EDDM3A: variants seen among roughly 807,000 people sequenced by gnomAD.
EDDM3A encodes the protein epididymal secretory protein E3-alpha.
For missense variants in EDDM3A, 199 were observed against 177.4 expected, an observed-to-expected ratio of 1.12 and a Z score of -0.69; for synonymous variants, 75 against 60.4, an observed-to-expected ratio of 1.24 and a Z score of -1.12.
the EDDM3A span, among the ~76,000 whole-genome samples, chr14:20,740,309 G>C: frequency 1.3e-5 from 2 of 152,216 alleles, no homozygotes; most frequent in Non-Finnish European, 2.9e-5. Context: ...ATTTGTCCAT[G>C]GTTCGATACT....
At chr14:20,744,160 T>A (rs553665909), upstream of EDDM3A, among the ~76,000 whole-genome samples, 2 of 152,310 alleles carry the variant, frequency 1.3e-5, no homozygotes, top group Non-Finnish European at 2.9e-5. Context: ...ATCATCCAAA[T>A]TCAGAGGCCC....
intron 1 of EDDM3A, among the ~76,000 whole-genome samples, chr14:20,746,234 G>A (rs1437816514): frequency 1.3e-5 from 2 of 152,074 alleles, no homozygotes; most frequent in African/African-American, 4.8e-5. Context: ...ATCTTGTGTA[G>A]GCCTTTATCA....
At chr14:20,747,447 A>G in intron 1 of EDDM3A, 108 bp from the exon 2 acceptor site, 2 of 654,956 alleles carry the variant, frequency 3.1e-6, no homozygotes, top group East Asian at 2.7e-5. Flanking sequence ...ATGGAACCAA[A>G]TAGCAATATA....
chr14:20,741,290 G>A (rs2139075630), upstream of EDDM3A, among the ~76,000 whole-genome samples: 1 of 152,352 alleles, frequency 6.6e-6, no homozygotes, highest in South Asian at 2.1e-4. Context: ...AAAATTTAAA[G>A]AGGATAAACA....
chr14:20,739,744 C>G, the EDDM3A span, among the ~76,000 whole-genome samples: 1 of 152,150 alleles, frequency 6.6e-6, no homozygotes, highest in Non-Finnish European at 1.5e-5. Flanking sequence ...AACAGCTCAT[C>G]AAAGCAGGAA....
In EDDM3A at chr14:20,748,051, GGTAGA is replaced by G; in HGVS notation, c.*31_*35del. On this transcript the variant is annotated 3_prime_UTR_variant, in exon 2 of 2. Transcript: ENST00000326842. ...AAGTCTATGCACATCCTCAGATATT[GGTAGA>G]GTATTCAGTGCTTCCAAAGTGGTGG... The G allele has an allele frequency of 6.5e-7, 1 of 1,547,414 alleles. No homozygotes were observed. Among genetic ancestry groups the G allele is most frequent in the Non-Finnish European group, 8.7e-7 (1 of 1,145,114 alleles).
upstream of EDDM3A, among the ~76,000 whole-genome samples, chr14:20,742,398 G>A (rs762638001): frequency 1.1e-4 from 16 of 152,178 alleles, no homozygotes; most frequent in South Asian, 2.1e-4. Context: ...TGGTCCTCGC[G>A]TAAGAAATCT....
chr14:20,746,749 C>A (rs546072582), intron 1 of EDDM3A, among the ~76,000 whole-genome samples: 6 of 152,186 alleles, frequency 3.9e-5, no homozygotes, highest in African/African-American at 1.4e-4. Flanking sequence ...GGAAAAACAT[C>A]ATTTTTCAGA....
the EDDM3A span, among the ~76,000 whole-genome samples, chr14:20,737,879 G>A: frequency 6.6e-6 from 1 of 152,182 alleles, no homozygotes; most frequent in African/African-American, 2.4e-5. Context: ...TTTTGTCCAG[G>A]TCCGGTATGG....
chr14:20,739,841 A>G, the EDDM3A span, among the ~76,000 whole-genome samples: 1 of 152,172 alleles, frequency 6.6e-6, no homozygotes, highest in African/African-American at 2.4e-5. Context: ...GTCACATAGC[A>G]TGCTGACCAC....
the EDDM3A span, among the ~76,000 whole-genome samples, chr14:20,739,376 T>A: frequency 6.6e-6 from 1 of 152,210 alleles, no homozygotes; most frequent in Non-Finnish European, 1.5e-5. Context: ...CTGATATCCA[T>A]CCCTTATTTG....
In EDDM3A at chr14:20,747,968, G is replaced by C; in HGVS notation, c.388G>C (p.Asp130His). 6.2e-7 allele frequency: 1 copy of C among 1,613,768 alleles called. No homozygotes were observed. Among genetic ancestry groups the C allele is most frequent in the South Asian group, 1.1e-5 (1 of 90,968 alleles). ...CTACATTGAATTCCATTGTGGCGTA[G>C]ATGGATATGTTGATAACATAGAAGA... ...FSYIEFHCGV[D>H]GYVDNIEDLR... Residue 130 changes from aspartate (D) to histidine (H), a missense_variant, in exon 2 of 2, where the codon GAT (aspartate) becomes CAT (histidine). Transcript: ENST00000326842.
Position 20,747,837 on chromosome 14 carries a change from G to A in EDDM3A, c.257G>A (p.Ser86Asn), listed in dbSNP as rs532594291. 29 of 1,614,040 alleles carry A rather than the reference G, an allele frequency of 1.8e-5. No individual in the cohort carries two copies. Among genetic ancestry groups the A allele is most frequent in the Non-Finnish European group, 2.5e-5 (29 of 1,179,948 alleles). Residue 86 changes from serine to asparagine, a missense_variant, in exon 2 of 2, where the codon AGC (serine) becomes AAC (asparagine). Ser to Asn is a conservative substitution (Grantham distance 46). Coordinates refer to ENST00000326842, the MANE Select transcript of EDDM3A (RefSeq NM_006683.5). ...CGTGCATGCATCAATGAGAAGGGGA[G>A]CGACCGATATAGAAATGCATATGTA... ...IQRACINEKGSDRYRNAYVWA... is the reference protein window; with the variant it reads ...IQRACINEKGNDRYRNAYVWA...
Position 20,747,993 on chromosome 14 carries a change from A to T in EDDM3A, c.413A>T (p.Asp138Val). The T allele has an allele frequency of 6.2e-7, 1 of 1,610,210 alleles. No homozygotes were observed. The highest frequency in any genetic ancestry group is 8.5e-7 in the Non-Finnish European group (1 of 1,178,146). The change falls in exon 2 of 2, where the codon GAC becomes GTC. Residue 138 changes from aspartate to valine, a missense_variant. Coordinates refer to ENST00000326842, the MANE Select transcript of EDDM3A (RefSeq NM_006683.5). ...GVDGYVDNIE[D>V]LRIIEPISN Reference sequence around the variant, plus strand: ...GATGGATATGTTGATAACATAGAAGACCTGAGGATTATAGAACCTATCAGC... The same window carrying T: ...GATGGATATGTTGATAACATAGAAGTCCTGAGGATTATAGAACCTATCAGC...
At chr14:20,736,213 G>A in the EDDM3A span, among the ~76,000 whole-genome samples, 102 of 151,750 alleles carry the variant, frequency 6.7e-4, no homozygotes, top group Admixed American at 2.9e-3. Context: ...GGTTTCTAGC[G>A]ATTATCCTGC....
At chr14:20,737,835 G>C in the EDDM3A span, among the ~76,000 whole-genome samples, 6 of 152,206 alleles carry the variant, frequency 3.9e-5, no homozygotes, top group African/African-American at 9.7e-5. Context: ...CTGTAGGAGA[G>C]AGATACAAAG....
chr14:20,747,102 CTT>C (rs71112518), intron 1 of EDDM3A, among the ~76,000 whole-genome samples: 11,870 of 122,066 alleles, frequency 0.097, 650 homozygotes, highest in Admixed American at 0.19. Context: ...AAACTGTATT[CTT>C]TTTTTTTTTT....
Position 20,747,717 on chromosome 14 carries a change from A to G in EDDM3A, c.137A>G (p.Lys46Arg), listed in dbSNP as rs1197458842. The G allele has an allele frequency of 3.7e-6, 6 of 1,614,216 alleles. No homozygotes were observed. In the South Asian group the frequency reaches 6.6e-5, roughly 18 times the overall value. The stretch of plus-strand genomic sequence containing the variant: ...TACTTAAGTCCAAGTCGAGAATTCA[A>G]AGAGTACAAATGTGATGTCCTCATG... Reference protein sequence around the residue: ...LHYLSPSREFKEYKCDVLMRE... With the variant: ...LHYLSPSREFREYKCDVLMRE... Residue 46 changes from lysine to arginine, a missense_variant, in exon 2 of 2, where the codon AAA (lysine) becomes AGA (arginine). Lys to Arg is a conservative substitution (Grantham distance 26). Coordinates refer to ENST00000326842, the MANE Select transcript of EDDM3A (RefSeq NM_006683.5).
chr14:20,747,317 G>T (rs1451213417), intron 1 of EDDM3A, among the ~76,000 whole-genome samples: 3 of 151,962 alleles, frequency 2.0e-5, no homozygotes, highest in Non-Finnish European at 4.4e-5. Context: ...GGTGTTTCTC[G>T]AACTCCTGAC....
Sources: allele counts gnomAD v4.1 joint callset (sites outside exome capture counted in the v4.1 genomes callset), GRCh38; gene constraint gnomAD v4.1.1; transcripts MANE v1.5; gene names NCBI Gene and HGNC (gene_info 2026-07-23, HGNC 2026-07-21).